The following IL1RAPL2 variants were observed in gnomAD, a reference collection of about 807,000 sequenced individuals.
IL1RAPL2 encodes interleukin 1 receptor accessory protein like 2, also known as X-linked interleukin-1 receptor accessory protein-like 2.
Under a neutral mutation model 44.1 loss-of-function variants are expected in IL1RAPL2, and 3 were observed. The ratio of observed to expected loss-of-function variants is 0.07; its 90% CI spans 0.03 to 0.18. The LOEUF (loss-of-function observed/expected upper bound fraction) is 0.18. IL1RAPL2 is among the 10% of genes least tolerant of loss of function. The pLI is 1.00. For synonymous variants in IL1RAPL2, 181 were observed against 178.8 expected, an observed-to-expected ratio of 1.01 and a Z score of -0.10; for missense variants, 391 against 496.4, an observed-to-expected ratio of 0.79 and a Z score of 2.02.
intron 5 of IL1RAPL2, chrX:105,405,775 A>G (rs1271703541): frequency 3.8e-6 from 4 of 1,060,288 alleles, no homozygotes; most frequent in Non-Finnish European, 5.3e-6. Context: ...AGAAATATTT[A>G]TCAAAGACCT....
At chrX:105,141,649 A>G (rs1373532650) in intron 2 of IL1RAPL2, among the ~76,000 whole-genome samples, 1 of 112,064 alleles carries the variant, frequency 8.9e-6, no homozygotes, top group Non-Finnish European at 1.9e-5. Context: ...GTTGGCTACA[A>G]GCGTAACAGT....
chrX:105,280,936 A>G (rs957435509), intron 5 of IL1RAPL2, among the ~76,000 whole-genome samples: 1 of 111,750 alleles, frequency 8.9e-6, no homozygotes, highest in African/African-American at 3.3e-5. Context: ...TATATACCCA[A>G]AGGATTATAA....
intron 6 of IL1RAPL2, among the ~76,000 whole-genome samples, chrX:105,487,332 T>A (rs2036277871): frequency 9.0e-6 from 1 of 111,387 alleles, no homozygotes; most frequent in Non-Finnish European, 1.9e-5. Context: ...CTACAAGATG[T>A]GCACTTTGTA....
chrX:105,082,738 A>G (rs1473654736), intron 2 of IL1RAPL2, among the ~76,000 whole-genome samples: 1 of 112,148 alleles, frequency 8.9e-6, no homozygotes, highest in Non-Finnish European at 1.9e-5. Context: ...ACTAACAAAC[A>G]GAAAGGAATA....
At position 105,352,810 on chromosome X, in the gene IL1RAPL2, C is replaced by T. The variant is rs2035166753; in HGVS notation, c.697+85269C>T. Among the ~76,000 whole-genome samples, 3 of 110,053 alleles carry T rather than the reference C, an allele frequency of 2.7e-5. No individual in the cohort carries two copies. The Admixed American group carries it at 2.9e-4, about 11-fold the overall frequency. On this transcript the variant is annotated intron_variant, in intron 5 of 10. Coordinates refer to ENST00000372582, the MANE Select transcript of IL1RAPL2 (RefSeq NM_017416.2). The stretch of plus-strand genomic sequence containing the variant: ...TCTTTCTTGTAAATTTGTTTGAGTT[C>T]ATTGTAGATTCTGGATATTAGCCCT...
intron 5 of IL1RAPL2, among the ~76,000 whole-genome samples, chrX:105,351,031 A>G (rs1191738442): frequency 3.6e-5 from 4 of 112,157 alleles, no homozygotes. Context: ...AAAGCTCATC[A>G]TCACTGGTCA....
intron 6 of IL1RAPL2, among the ~76,000 whole-genome samples, chrX:105,672,034 C>G (rs1292444914): frequency 9.0e-6 from 1 of 110,990 alleles, no homozygotes; most frequent in Non-Finnish European, 1.9e-5. Context: ...CTGGGACTTT[C>G]TATTACTATA....
At chrX:104,839,347 G>A (rs781516733) in intron 2 of IL1RAPL2, among the ~76,000 whole-genome samples, 5 of 111,479 alleles carry the variant, frequency 4.5e-5, no homozygotes, top group Admixed American at 9.6e-5. Flanking sequence ...AGATAATCAC[G>A]TGTTTTTGTC....
intron 1 of IL1RAPL2, among the ~76,000 whole-genome samples, chrX:104,657,559 A>G (rs912180008): frequency 8.9e-5 from 10 of 111,989 alleles, no homozygotes; most frequent in African/African-American, 3.2e-4. Context: ...GAACACAGGC[A>G]TGGGCAAGGA....
chrX:104,807,909 A>G (rs759303787), intron 2 of IL1RAPL2, among the ~76,000 whole-genome samples: 1 of 111,756 alleles, frequency 8.9e-6, no homozygotes, highest in Non-Finnish European at 1.9e-5. Flanking sequence ...TGTTAATTCA[A>G]TTATCTAACT....
intron 2 of IL1RAPL2, among the ~76,000 whole-genome samples, chrX:105,065,054 T>C (rs1451134365): frequency 8.9e-6 from 1 of 112,477 alleles, no homozygotes; most frequent in African/African-American, 3.2e-5. Context: ...GCATGTTATA[T>C]AGTTTTCTGG....
At chrX:104,662,095 A>G (rs752451033) in intron 2 of IL1RAPL2, among the ~76,000 whole-genome samples, 9 of 112,218 alleles carry the variant, frequency 8.0e-5, no homozygotes, top group Non-Finnish European at 1.7e-4. Context: ...ATGGAAAAGA[A>G]CTTAGTAACA....
In IL1RAPL2 at chrX:105,159,028, A is replaced by C. The variant is rs76724005; in HGVS notation, c.83-36447A>C. ...TGTGGGAAAGGGAGTTCTACTATTT[A>C]TGGTGCTCACTGTGTACCAGGCATT... On this transcript the variant is annotated intron_variant, in intron 2 of 10. Coordinates refer to ENST00000372582, the MANE Select transcript of IL1RAPL2 (RefSeq NM_017416.2). Among the ~76,000 whole-genome samples, 1,962 of 112,111 alleles carry C rather than the reference A, an allele frequency of 0.018. 104 individuals carry two copies. The East Asian group carries it at 0.23, about 13-fold the overall frequency.
At chrX:105,571,869 A>T (rs953906154) in intron 6 of IL1RAPL2, among the ~76,000 whole-genome samples, 1 of 110,598 alleles carries the variant, frequency 9.0e-6, no homozygotes, top group African/African-American at 3.3e-5. Context: ...GAAGAGGCCC[A>T]CAAGAACTAA....
At chrX:105,104,791 A>T (rs1210568832) in intron 2 of IL1RAPL2, among the ~76,000 whole-genome samples, 2 of 112,279 alleles carry the variant, frequency 1.8e-5, no homozygotes, top group Non-Finnish European at 3.8e-5. Flanking sequence ...TAGGGAAAAA[A>T]TACAGTAATA....
At chrX:105,512,587 T>C (rs907996931) in intron 6 of IL1RAPL2, among the ~76,000 whole-genome samples, 1 of 111,660 alleles carries the variant, frequency 9.0e-6, no homozygotes, top group East Asian at 2.8e-4. Flanking sequence ...ATTTAACATA[T>C]CACATTTACT....
At chrX:105,384,746 G>A (rs1319787192) in intron 5 of IL1RAPL2, among the ~76,000 whole-genome samples, 1 of 110,432 alleles carries the variant, frequency 9.1e-6, no homozygotes, top group African/African-American at 3.3e-5. Context: ...ATGAACATGG[G>A]GTAGCTGTCC....
At chrX:104,595,655 A>G (rs769588569) in intron 1 of IL1RAPL2, among the ~76,000 whole-genome samples, 5 of 112,074 alleles carry the variant, frequency 4.5e-5, no homozygotes, top group Non-Finnish European at 9.4e-5. Flanking sequence ...AAGATCTCTT[A>G]CAATTCAGGA....
intron 6 of IL1RAPL2, among the ~76,000 whole-genome samples, chrX:105,609,643 A>C (rs747026728): frequency 8.9e-6 from 1 of 111,836 alleles, no homozygotes; most frequent in East Asian, 2.8e-4. Context: ...AAAGCCTGTG[A>C]GTCAGGAATA....
Sources: allele counts gnomAD v4.1 joint callset (sites outside exome capture counted in the v4.1 genomes callset), GRCh38; gene constraint gnomAD v4.1.1; transcripts MANE v1.5; gene names NCBI Gene and HGNC (gene_info 2026-07-23, HGNC 2026-07-21).